The following FRAS1 variants were observed in gnomAD, a reference collection of about 807,000 sequenced individuals.
FRAS1 encodes Fraser extracellular matrix complex subunit 1, also known as extracellular matrix organizing protein FRAS1.
Under a neutral mutation model 435.2 loss-of-function variants are expected in FRAS1, and 290 were observed. The ratio of observed to expected loss-of-function variants is 0.67; its 90% CI spans 0.61 to 0.73. The LOEUF (loss-of-function observed/expected upper bound fraction) is 0.73, where lower values mean the gene tolerates loss of function less well. FRAS1 is among the 30% of genes least tolerant of loss of function. FRAS1 has a pLI of 0.00. For synonymous variants in FRAS1, 1,800 were observed against 1,851.0 expected, an observed-to-expected ratio of 0.97 and a Z score of 0.71; for missense variants, 4,860 against 5,001.5, an observed-to-expected ratio of 0.97 and a Z score of 0.85.
chr4:78,171,885 A>G (rs1721576702), intron 2 of FRAS1, among the ~76,000 whole-genome samples: 1 of 152,018 alleles, frequency 6.6e-6, no homozygotes, highest in African/African-American at 2.4e-5. Context: ...GAGCACCATC[A>G]TGCAGCCCCA....
At chr4:78,376,275 G>A (rs1731756899) in intron 26 of FRAS1, among the ~76,000 whole-genome samples, 1 of 152,178 alleles carries the variant, frequency 6.6e-6, no homozygotes, top group Non-Finnish European at 1.5e-5. Context: ...TCCATGGAGT[G>A]TACTTACACA....
intron 15 of FRAS1, among the ~76,000 whole-genome samples, chr4:78,313,904 T>A (rs1729132387): frequency 6.6e-6 from 1 of 152,196 alleles, no homozygotes; most frequent in South Asian, 2.1e-4. Context: ...TCCACTGAAA[T>A]GTGTGGCACA....
intron 2 of FRAS1, among the ~76,000 whole-genome samples, chr4:78,135,786 C>T (rs1028931182): frequency 6.6e-6 from 1 of 152,160 alleles, no homozygotes; most frequent in Admixed American, 6.5e-5. Flanking sequence ...ATTTACATTT[C>T]CACACAACTG....
intron 55 of FRAS1, among the ~76,000 whole-genome samples, chr4:78,478,596 C>A (rs72659022): frequency 2.0e-5 from 3 of 152,158 alleles, no homozygotes; most frequent in Non-Finnish European, 4.4e-5. Context: ...AAGGGCAATT[C>A]TTGAGGAGTT....
At chr4:78,402,491 T>C (rs1286785301) in intron 30 of FRAS1, among the ~76,000 whole-genome samples, 2 of 152,160 alleles carry the variant, frequency 1.3e-5, no homozygotes, top group Non-Finnish European at 2.9e-5. Context: ...TCTTGTGCCA[T>C]AGGTTTCTTC....
intron 29 of FRAS1, 52 bp from the exon 30 acceptor site, chr4:78,400,682 G>C (rs1732848639): frequency 6.4e-7 from 1 of 1,556,034 alleles, no homozygotes; most frequent in Admixed American, 1.9e-5. Flanking sequence ...TTTAAGGATT[G>C]ATATATTCTT....
At chr4:78,417,364 G>A (rs1409749929) in intron 32 of FRAS1, among the ~76,000 whole-genome samples, 2 of 152,112 alleles carry the variant, frequency 1.3e-5, no homozygotes, top group Non-Finnish European at 2.9e-5. Flanking sequence ...TATTATGATA[G>A]TTTTGATATT....
At chr4:78,284,229 AT>A (rs11453256) in intron 12 of FRAS1, among the ~76,000 whole-genome samples, 175 bp from the exon 13 acceptor site, 36 of 80,812 alleles carry the variant, frequency 4.5e-4, no homozygotes, top group African/African-American at 1.4e-3. Flanking sequence ...ATTGGAATGT[AT>A]TTTTTTTTTT....
chr4:78,511,596 C>T, intron 64 of FRAS1, 90 bp downstream of exon 64: 1 of 972,464 alleles, frequency 1.0e-6, no homozygotes, highest in Non-Finnish European at 1.6e-6. Flanking sequence ...ATAAGGGATG[C>T]TTCTGCATGA....
At chr4:78,311,312 T>C (rs930904167) in intron 15 of FRAS1, among the ~76,000 whole-genome samples, 1 of 152,216 alleles carries the variant, frequency 6.6e-6, no homozygotes, top group African/African-American at 2.4e-5. Context: ...CATATGTATT[T>C]AATTTTCTTG....
chr4:78,069,161 G>A (rs1740208350), intron 2 of FRAS1, among the ~76,000 whole-genome samples: 2 of 152,178 alleles, frequency 1.3e-5, no homozygotes, highest in South Asian at 4.2e-4. Flanking sequence ...TGTTTTAGAG[G>A]TAGAAGTGAC....
chr4:78,498,743 T>C (rs1720585104), intron 60 of FRAS1, among the ~76,000 whole-genome samples: 1 of 152,132 alleles, frequency 6.6e-6, no homozygotes, highest in African/African-American at 2.4e-5. Flanking sequence ...TTTTTCCATC[T>C]TTTTATCTCA....
At chr4:78,506,409 G>A (rs1200286768) in intron 61 of FRAS1, among the ~76,000 whole-genome samples, 2 of 152,214 alleles carry the variant, frequency 1.3e-5, no homozygotes, top group Non-Finnish European at 2.9e-5. Flanking sequence ...GCTCCCCCCA[G>A]TTCGAGCTTC....
chr4:78,464,669 T>C, intron 49 of FRAS1, 86 bp downstream of exon 49: 1 of 1,458,620 alleles, frequency 6.9e-7, no homozygotes, highest in Non-Finnish European at 9.4e-7. Flanking sequence ...TGCATCCTGA[T>C]GGTAGGGAGG....
intron 30 of FRAS1, 86 bp from the exon 31 acceptor site, chr4:78,407,575 TAA>T: frequency 1.5e-5 from 14 of 942,734 alleles, no homozygotes; most frequent in African/African-American, 5.0e-5. Flanking sequence ...TCTTTCTAGT[TAA>T]AAAAAAAATG....
At position 78,372,865 on chromosome 4, in the gene FRAS1, G is replaced by T. The variant is rs777195887; in HGVS notation, c.3010+7G>T. 4 of 1,611,992 alleles carry T rather than the reference G, an allele frequency of 2.5e-6. No homozygotes were observed. The highest frequency in any genetic ancestry group is 3.4e-6 in the Non-Finnish European group (4 of 1,179,566). Reference sequence around the variant, plus strand: ...GACTCGGGCCTCTGCAAGAGTAAGTGTGTAGAGGCCCTGCTCTGTGCTCAG... The same window carrying T: ...GACTCGGGCCTCTGCAAGAGTAAGTTTGTAGAGGCCCTGCTCTGTGCTCAG... On this transcript the variant is annotated splice_region_variant and intron_variant, in intron 24 of 73. Transcript: ENST00000512123.
chr4:78,456,009 G>A (rs1282702501), intron 47 of FRAS1, among the ~76,000 whole-genome samples: 1 of 152,050 alleles, frequency 6.6e-6, no homozygotes, highest in Non-Finnish European at 1.5e-5. Flanking sequence ...TCAGTGTGAG[G>A]CTTCTACCTC....
At chr4:78,419,592 A>G (rs778513437) in intron 33 of FRAS1, among the ~76,000 whole-genome samples, 1 of 152,240 alleles carries the variant, frequency 6.6e-6, no homozygotes, top group Admixed American at 6.5e-5. Flanking sequence ...GGGCCCTGCC[A>G]TCAGTCACCA....
chr4:78,267,248 G>A lies in FRAS1; in HGVS notation c.797G>A (p.Ser266Asn), dbSNP rs1726405506. 1 of 1,613,526 alleles carries A rather than the reference G, an allele frequency of 6.2e-7. No homozygotes were observed. The highest frequency in any genetic ancestry group is 2.2e-5 in the East Asian group (1 of 44,870). The part of the protein sequence containing the change: ...CLPLRCGKGQ[S>N]RARRHGQCCE... The stretch of plus-strand genomic sequence containing the variant: ...TTCCTCTCTGTGTCCTAGGGTCAGA[G>A]CAGGGCTCGGCGTCATGGGCAATGC... Residue 266 changes from serine to asparagine, a missense_variant, in exon 9 of 74, where the codon AGC becomes AAC. Transcript: ENST00000512123.
Sources: gnomAD v4.1 joint callset for allele counts (sites outside exome capture counted in the v4.1 genomes callset) on GRCh38, gnomAD v4.1.1 for gene constraint, MANE v1.5 for transcripts, NCBI Gene and HGNC (gene_info 2026-07-23, HGNC 2026-07-21) for gene names.